The following GLIS3 variants were observed in gnomAD, a reference collection of about 807,000 sequenced individuals.
The protein encoded by GLIS3 is GLIS family zinc finger 3.
GLIS3 carries 53 observed loss-of-function variants against 78.6 expected under a neutral mutation model. The observed-to-expected ratio is 0.67, with a 90% CI of 0.54 to 0.85. The LOEUF is 0.85. Among genes scored for constraint, GLIS3 ranks in the 40% least tolerant of loss-of-function variants. The pLI, the probability that GLIS3 is intolerant of heterozygous loss-of-function variation, is 0.00. For missense variants in GLIS3, 1,703 were observed against 1,231.1 expected (o/e 1.38, Z -5.74); for synonymous variants, 684 against 509.9 (o/e 1.34, Z -4.60).
At chr9:4,008,179 G>A (rs924091079) in intron 4 of GLIS3, among the ~76,000 whole-genome samples, 3 of 152,178 alleles carry the variant, frequency 2.0e-5, no homozygotes, top group Admixed American at 1.3e-4. Flanking sequence ...TTTTTACACA[G>A]CTCAGAGGGA....
chr9:4,274,269 A>G lies in GLIS3; in HGVS notation c.388+11769T>C, dbSNP rs548994515. On this transcript the variant is annotated intron_variant, in intron 2 of 10. Transcript: ENST00000381971. ...ACATAATTTGTGGGGACCAGTGCCA[A>G]ACAAAAATGCTGCATCCCTTGATCA... Among the ~76,000 whole-genome samples the G allele has an allele frequency of 2.2e-4, 34 of 152,310 alleles. 1 individual carries two copies. The highest frequency in any genetic ancestry group is 7.0e-4 in the African/African-American group (29 of 41,562).
the GLIS3 span, among the ~76,000 whole-genome samples, chr9:4,440,712 G>C: frequency 1.3e-5 from 2 of 152,092 alleles, no homozygotes; most frequent in African/African-American, 4.8e-5. Flanking sequence ...TTGGTATTTT[G>C]ACAGGGGTTG....
At chr9:4,046,405 T>A (rs1050000470) in intron 4 of GLIS3, among the ~76,000 whole-genome samples, 1 of 152,148 alleles carries the variant, frequency 6.6e-6, no homozygotes, top group African/African-American at 2.4e-5. Context: ...GAGAGGTGGG[T>A]TAGATCTAGC....
chr9:4,218,640 C>T (rs1221201289), intron 2 of GLIS3, among the ~76,000 whole-genome samples: 1 of 152,186 alleles, frequency 6.6e-6, no homozygotes, highest in Non-Finnish European at 1.5e-5. Context: ...AGATACCACC[C>T]ACATGTTCCT....
chr9:4,310,679 G>A (rs1817336272), intron 2 of GLIS3, among the ~76,000 whole-genome samples: 1 of 152,154 alleles, frequency 6.6e-6, no homozygotes, highest in African/African-American at 2.4e-5. Flanking sequence ...CATCTTGCAA[G>A]CATGTGTGAC....
At chr9:4,380,100 G>A in the GLIS3 span, among the ~76,000 whole-genome samples, 1 of 152,176 alleles carries the variant, frequency 6.6e-6, no homozygotes, top group Non-Finnish European at 1.5e-5. Context: ...TTCCACCGGA[G>A]CATTGTGGGA....
the GLIS3 span, among the ~76,000 whole-genome samples, chr9:4,417,813 C>T: frequency 4.7e-4 from 71 of 152,266 alleles, no homozygotes; most frequent in African/African-American, 1.7e-3. Context: ...AAGCCCAGGA[C>T]ATTTTGCTTG....
chr9:4,342,162 G>T (rs1273623275), intron 2 of GLIS3, among the ~76,000 whole-genome samples: 1 of 152,052 alleles, frequency 6.6e-6, no homozygotes, highest in Non-Finnish European at 1.5e-5. Flanking sequence ...GAAATCTTTT[G>T]TCAAGGCCTA....
chr9:4,070,789 T>A (rs886604829), intron 4 of GLIS3: 1 of 152,190 alleles, frequency 6.6e-6, no homozygotes, highest in African/African-American at 2.4e-5. Context: ...AGTCATCTGT[T>A]GCCAGCAAGT....
chr9:3,844,058 T>A (rs1217165153), intron 9 of GLIS3, among the ~76,000 whole-genome samples: 1 of 152,252 alleles, frequency 6.6e-6, no homozygotes, highest in Non-Finnish European at 1.5e-5. Flanking sequence ...CTCACAATTC[T>A]ACGTAAACCA....
the GLIS3 span, among the ~76,000 whole-genome samples, chr9:4,394,906 G>T: frequency 6.6e-6 from 1 of 152,154 alleles, no homozygotes; most frequent in African/African-American, 2.4e-5. Flanking sequence ...GCAATAGCTA[G>T]CACTATAATT....
chr9:4,378,046 A>G, the GLIS3 span, among the ~76,000 whole-genome samples: 6 of 152,310 alleles, frequency 3.9e-5, no homozygotes, highest in South Asian at 1.0e-3. Context: ...GTAAATGGGT[A>G]TACCACAGAA....
intron 4 of GLIS3, among the ~76,000 whole-genome samples, chr9:4,020,175 C>T (rs933928118): frequency 1.3e-5 from 2 of 152,148 alleles, no homozygotes; most frequent in Non-Finnish European, 2.9e-5. Flanking sequence ...GCAAAGGGAA[C>T]AGCCCATGCA....
chr9:3,993,032 G>GC (rs1405038376), intron 4 of GLIS3, among the ~76,000 whole-genome samples: 3 of 152,158 alleles, frequency 2.0e-5, no homozygotes, highest in Non-Finnish European at 2.9e-5. Flanking sequence ...ATCTTTCCTG[G>GC]CTTTACACGT....
intron 1 of GLIS3, among the ~76,000 whole-genome samples, chr9:4,289,923 C>T (rs985892082): frequency 6.6e-6 from 1 of 152,070 alleles, no homozygotes; most frequent in Non-Finnish European, 1.5e-5. Flanking sequence ...GGCACAAAAC[C>T]ATTTAGTAAT....
intron 4 of GLIS3, among the ~76,000 whole-genome samples, chr9:3,998,649 C>G (rs960895276): frequency 6.6e-6 from 1 of 151,446 alleles, no homozygotes; most frequent in Non-Finnish European, 1.5e-5. Flanking sequence ...ATTAATTGCT[C>G]TGTGGCTATG....
At chr9:4,019,051 T>C (rs547388166) in intron 4 of GLIS3, among the ~76,000 whole-genome samples, 1 of 152,336 alleles carries the variant, frequency 6.6e-6, no homozygotes, top group Admixed American at 6.5e-5. Flanking sequence ...GTCAAGCACC[T>C]GGCACAGTGT....
intron 2 of GLIS3, among the ~76,000 whole-genome samples, chr9:4,224,602 A>G (rs1172730303): frequency 1.3e-5 from 2 of 152,282 alleles, no homozygotes; most frequent in African/African-American, 4.8e-5. Context: ...AATCTCTGGC[A>G]CACCTCTAGC....
chr9:3,952,316 C>T (rs1042807523), intron 4 of GLIS3, among the ~76,000 whole-genome samples: 2 of 152,136 alleles, frequency 1.3e-5, no homozygotes, highest in Non-Finnish European at 2.9e-5. Flanking sequence ...CCTCTCTACT[C>T]TTCCGCTTCC....
Sources: gnomAD v4.1 joint callset for allele counts (sites outside exome capture counted in the v4.1 genomes callset) on GRCh38, gnomAD v4.1.1 for gene constraint, MANE v1.5 for transcripts, NCBI Gene and HGNC (gene_info 2026-07-23, HGNC 2026-07-21) for gene names.